ERO1B: variants seen among roughly 807,000 people sequenced by gnomAD.
The protein encoded by ERO1B is endoplasmic reticulum oxidoreductase 1 beta, also known as ERO1-like protein beta.
In ERO1B, 49 loss-of-function variants were observed where a neutral mutation model predicts 75.3. The ratio of observed to expected loss-of-function variants is 0.65; its 90% CI spans 0.52 to 0.83. The LOEUF is 0.83. Ranked by LOEUF, ERO1B falls within the 40% of genes least tolerant of loss-of-function variation. The pLI is 0.00. For missense variants in ERO1B, 512 were observed against 560.1 expected (o/e 0.91, Z 0.87); for synonymous variants, 191 against 192.9 (o/e 0.99, Z 0.08).
At chr1:236,264,016 A>G (rs2141129) in intron 2 of ERO1B, among the ~76,000 whole-genome samples, 1 of 151,254 alleles carries the variant, frequency 6.6e-6, no homozygotes, top group Non-Finnish European at 1.5e-5. Flanking sequence ...TTGTATATCA[A>G]GTTTATGGCT....
At chr1:236,234,753 A>C (rs1664496498) in intron 8 of ERO1B, among the ~76,000 whole-genome samples, 1 of 152,212 alleles carries the variant, frequency 6.6e-6, no homozygotes, top group Non-Finnish European at 1.5e-5. Context: ...TAGATCAGGA[A>C]ATCAAATTTC....
At chr1:236,273,010 C>T (rs762404145) in intron 1 of ERO1B, among the ~76,000 whole-genome samples, 1 of 152,108 alleles carries the variant, frequency 6.6e-6, no homozygotes, top group Admixed American at 6.5e-5. Flanking sequence ...TGCCCCACCC[C>T]CAAGATGTCC....
At chr1:236,222,996 A>C (rs902582587) in intron 13 of ERO1B, among the ~76,000 whole-genome samples, 1 of 152,116 alleles carries the variant, frequency 6.6e-6, no homozygotes, top group South Asian at 2.1e-4. Context: ...TGAGGTCATA[A>C]GTTTGAGACC....
chr1:236,237,116 CTT>C (rs67072171), intron 6 of ERO1B, among the ~76,000 whole-genome samples: 127 of 105,456 alleles, frequency 1.2e-3, no homozygotes, highest in African/African-American at 3.9e-3. Flanking sequence ...ACTATTTGGA[CTT>C]TTTTTTTTTT....
chr1:236,249,749 G>T, intron 5 of ERO1B, 136 bp downstream of exon 5: 1 of 598,130 alleles, frequency 1.7e-6, no homozygotes, highest in Non-Finnish European at 2.7e-6. Flanking sequence ...TTAGGATAAA[G>T]AAAAACTTTT....
intron 2 of ERO1B, among the ~76,000 whole-genome samples, chr1:236,255,437 T>C (rs1665139056): frequency 6.6e-6 from 1 of 152,194 alleles, no homozygotes; most frequent in Non-Finnish European, 1.5e-5. Context: ...ATGGCACTTA[T>C]CCCTGAATGT....
chr1:236,260,142 G>A (rs1353644062), intron 2 of ERO1B, among the ~76,000 whole-genome samples: 1 of 152,002 alleles, frequency 6.6e-6, no homozygotes, highest in Non-Finnish European at 1.5e-5. Context: ...AAGAAAAAGA[G>A]AAGATGCCAA....
At chr1:236,263,404 A>T (rs374405388) in intron 2 of ERO1B, among the ~76,000 whole-genome samples, 1 of 151,634 alleles carries the variant, frequency 6.6e-6, no homozygotes, top group Non-Finnish European at 1.5e-5. Context: ...ACACTCCACC[A>T]CGCCTGGCTA....
intron 13 of ERO1B, among the ~76,000 whole-genome samples, chr1:236,223,681 G>A (rs1664212325): frequency 6.6e-6 from 1 of 152,184 alleles, no homozygotes. Flanking sequence ...GCTTTGCTTA[G>A]TCTCACTTTC....
intron 1 of ERO1B, chr1:236,281,447 C>G (rs545630028): frequency 2.6e-6 from 1 of 380,704 alleles, no homozygotes; most frequent in Non-Finnish European, 4.7e-6. Flanking sequence ...TCACCATCTT[C>G]CTCTTTTGAC....
Position 236,269,936 on chromosome 1 carries a change from G to A in ERO1B, c.161C>T (p.Thr54Ile). ...TTTTATTTTGGGGAAGATTTTGTAG[G>A]TATTGAAGTTATCGATGCTGTCAAT... ...CDIDSIDNFN[T>I]YKIFPKIKKL... Residue 54 changes from threonine to isoleucine, a missense_variant, in exon 2 of 16, where the codon ACC becomes ATC. Coordinates refer to ENST00000354619, the MANE Select transcript of ERO1B (RefSeq NM_019891.4). 1 of 1,603,068 alleles carries A rather than the reference G, an allele frequency of 6.2e-7. No homozygotes were observed. Among genetic ancestry groups the A allele is most frequent in the East Asian group, 2.2e-5 (1 of 44,752 alleles).
intron 3 of ERO1B, among the ~76,000 whole-genome samples, chr1:236,252,658 G>T (rs570774227): frequency 6.6e-6 from 1 of 152,226 alleles, no homozygotes; most frequent in South Asian, 2.1e-4. Context: ...TTTAATAAAT[G>T]TATCTGAATT....
chr1:236,257,926 T>G (rs1284919427), intron 2 of ERO1B, among the ~76,000 whole-genome samples: 1 of 150,476 alleles, frequency 6.6e-6, no homozygotes, highest in African/African-American at 2.5e-5. Context: ...TCTAAGGGAC[T>G]CATAGGATAC....
chr1:236,229,535 A>G (rs114789630), intron 10 of ERO1B, among the ~76,000 whole-genome samples: 2,088 of 152,292 alleles, frequency 0.014, 33 homozygotes, highest in African/African-American at 0.046. Flanking sequence ...ATGAAATATC[A>G]ATTTTCCTAT....
Position 236,218,057 on chromosome 1 carries a change from C to G in ERO1B, c.*459G>C, listed in dbSNP as rs1415067632. 1.3e-5 allele frequency: 2 copies of G among 152,030 alleles called. No homozygotes were observed. Among genetic ancestry groups the G allele is most frequent in the African/African-American group, 4.8e-5 (2 of 41,406 alleles). The allele number at this position is 152,030 out of a possible 1,614,324, so 9.4% of individuals were successfully genotyped here. On this transcript the variant is annotated 3_prime_UTR_variant, in exon 16 of 16. Transcript: ENST00000354619. ...AGAAAGTGACACACACACAGTGAGGCAAGGGTAAAAACACATTAAAAAGCA... is the reference window on the plus strand; with the variant it reads ...AGAAAGTGACACACACACAGTGAGGGAAGGGTAAAAACACATTAAAAAGCA...
chr1:236,249,820 T>G, intron 5 of ERO1B, 65 bp downstream of exon 5: 1 of 1,234,178 alleles, frequency 8.1e-7, no homozygotes, highest in Non-Finnish European at 1.1e-6. Flanking sequence ...TTTACCAAAA[T>G]CATAAAAAAT....
chr1:236,219,208 G>T (rs1321415375), intron 15 of ERO1B, among the ~76,000 whole-genome samples: 1 of 152,130 alleles, frequency 6.6e-6, no homozygotes, highest in Non-Finnish European at 1.5e-5. Flanking sequence ...AATCACTTAG[G>T]AGGACAGGCA....
Position 236,215,316 on chromosome 1 carries a change from G to C in ERO1B, c.*3200C>G, listed in dbSNP as rs1264068219. On this transcript the variant is annotated 3_prime_UTR_variant, in exon 16 of 16. Transcript: ENST00000354619. ...CCTCAGTCTTCTTACTTATAAAACA[G>C]AGAAGTAATTGTACCTACCTACTAG... Among the ~76,000 whole-genome samples, 1 of 152,140 alleles carries C rather than the reference G, an allele frequency of 6.6e-6. No individual in the cohort carries two copies. The highest frequency in any genetic ancestry group is 1.5e-5 in the Non-Finnish European group (1 of 68,028).
At chr1:236,270,757 G>A (rs900521740) in intron 1 of ERO1B, among the ~76,000 whole-genome samples, 1 of 152,084 alleles carries the variant, frequency 6.6e-6, no homozygotes, top group Admixed American at 6.5e-5. Flanking sequence ...AAGCCAAAAG[G>A]TTACACACTA....
Sources: allele counts gnomAD v4.1 joint callset (sites outside exome capture counted in the v4.1 genomes callset), GRCh38; gene constraint gnomAD v4.1.1; transcripts MANE v1.5; gene names NCBI Gene and HGNC (gene_info 2026-07-23, HGNC 2026-07-21).